MEI4: variants seen among roughly 807,000 people sequenced by gnomAD.
The protein encoded by MEI4 is meiosis-specific protein MEI4.
MEI4 carries 27 observed loss-of-function variants against 31.4 expected under a neutral mutation model. The ratio of observed to expected loss-of-function variants is 0.86; its 90% CI spans 0.63 to 1.19. The LOEUF (loss-of-function observed/expected upper bound fraction) is 1.19. Ranked by LOEUF, MEI4 falls within the 50% of genes most tolerant of loss-of-function variation. The probability of loss-of-function intolerance (pLI) is 0.00; values close to 1 mark genes in which losing one functional copy is unlikely to be tolerated. For missense variants in MEI4, 329 were observed against 398.9 expected, an observed-to-expected ratio of 0.82 and a Z score of 1.49; for synonymous variants, 122 against 145.4, an observed-to-expected ratio of 0.84 and a Z score of 1.16.
rs1050693122 is a variant in MEI4, at chr6:77,923,549, C to T, written c.*203C>T. 1.1e-4 allele frequency: 41 copies of T among 385,212 alleles called. No individual in the cohort carries two copies. Among genetic ancestry groups the T allele is most frequent in the Admixed American group, 6.6e-4 (14 of 21,104 alleles). 23.9% of individuals were successfully genotyped at this position (385,212 alleles called of 1,614,324 possible). On this transcript the variant is annotated 3_prime_UTR_variant, in exon 5 of 5. Transcript: ENST00000684080. ...TTTCTATACTAAAATCAGCCAGTTT[C>T]GGTTGGTAATGCCATCCTTATTCCC...
intron 3 of MEI4, among the ~76,000 whole-genome samples, chr6:77,779,316 G>A (rs539513322): frequency 6.6e-6 from 1 of 152,298 alleles, no homozygotes; most frequent in South Asian, 2.1e-4. Context: ...GCTTAATAAG[G>A]TAAGAACTGA....
At chr6:77,674,785 T>G (rs571767796) in intron 1 of MEI4, among the ~76,000 whole-genome samples, 295 of 152,260 alleles carry the variant, frequency 1.9e-3, no homozygotes, top group Non-Finnish European at 3.8e-3. Flanking sequence ...AATTTCTCCT[T>G]TTTCTGACTG....
intron 3 of MEI4, among the ~76,000 whole-genome samples, chr6:77,762,063 C>T (rs1221395802): frequency 6.6e-6 from 1 of 152,136 alleles, no homozygotes; most frequent in Non-Finnish European, 1.5e-5. Flanking sequence ...TTAAATTCCT[C>T]ATGATGGATT....
chr6:77,888,785 T>A (rs919948603), intron 4 of MEI4, among the ~76,000 whole-genome samples: 2 of 152,166 alleles, frequency 1.3e-5, no homozygotes, highest in Non-Finnish European at 2.9e-5. Flanking sequence ...TCTTGAATTG[T>A]AGTTCCCACA....
Position 77,748,986 on chromosome 6 carries a change from T to C in MEI4, c.233-12144T>C, listed in dbSNP as rs139692180. Among the ~76,000 whole-genome samples, 834 of 152,206 alleles carry C rather than the reference T, an allele frequency of 5.5e-3. 6 individuals carry two copies. Among genetic ancestry groups the C allele is most frequent in the African/African-American group, 0.019 (789 of 41,534 alleles). ...CGGTGATACCCAGGAAAACAGGGTC[T>C]GGAGTGGACCTCCAGCAAACTCCCA... On this transcript the variant is annotated intron_variant, in intron 2 of 4. Coordinates refer to ENST00000684080, the MANE Select transcript of MEI4 (RefSeq NM_001322247.2).
At chr6:77,810,090 T>C (rs1003112940) in intron 3 of MEI4, among the ~76,000 whole-genome samples, 2 of 152,204 alleles carry the variant, frequency 1.3e-5, no homozygotes, top group Non-Finnish European at 2.9e-5. Flanking sequence ...GCTAAATCAA[T>C]GCATGCTGAG....
rs925275466 is a variant in MEI4 at position 77,767,079 on chromosome 6, G to A, written c.768+5414G>A. On this transcript the variant is annotated intron_variant, in intron 3 of 4. Transcript: ENST00000684080. ...GGTCATTTCATCCTTGCTTATAGCT[G>A]TATTAAACAAACAAACAAACGGCTG... 8.5e-5 allele frequency among the ~76,000 whole-genome samples: 13 copies of A among 152,084 alleles called. No individual in the cohort carries two copies. The East Asian group carries it at 2.3e-3, about 27-fold the overall frequency.
intron 1 of MEI4, among the ~76,000 whole-genome samples, chr6:77,679,526 TA>T (rs1272119101): frequency 2.0e-5 from 1 of 51,118 alleles, no homozygotes; most frequent in Non-Finnish European, 3.8e-5. Flanking sequence ...TGAAATTGCC[TA>T]AGGATGGATT....
chr6:77,684,649 C>T (rs971580852), intron 1 of MEI4, among the ~76,000 whole-genome samples: 7 of 151,450 alleles, frequency 4.6e-5, no homozygotes, highest in South Asian at 2.1e-4. Context: ...TAATTATCTC[C>T]GGTTCCATCC....
intron 3 of MEI4, among the ~76,000 whole-genome samples, chr6:77,765,553 C>T (rs1768151082): frequency 6.8e-6 from 1 of 147,566 alleles, no homozygotes; most frequent in Non-Finnish European, 1.5e-5. Flanking sequence ...TCTCCTAATG[C>T]TATCCCTCTC....
intron 3 of MEI4, among the ~76,000 whole-genome samples, chr6:77,784,060 T>TGGCA (rs1439449878): frequency 1.3e-5 from 2 of 152,132 alleles, no homozygotes; most frequent in African/African-American, 4.8e-5. Flanking sequence ...GACATAAAAT[T>TGGCA]GGCAGTAATC....
intron 1 of MEI4, among the ~76,000 whole-genome samples, chr6:77,677,962 A>C (rs1768875372): frequency 6.6e-6 from 1 of 152,182 alleles, no homozygotes; most frequent in Admixed American, 6.5e-5. Context: ...TTAGACTCAG[A>C]AACCATGTTA....
intron 4 of MEI4, among the ~76,000 whole-genome samples, chr6:77,904,026 T>G (rs1162797832): frequency 1.1e-4 from 17 of 152,154 alleles, no homozygotes; most frequent in Admixed American, 1.1e-3. Flanking sequence ...TGTTTTTGGA[T>G]TGGAGAACTT....
chr6:77,761,702 A>G (rs1194094580), intron 3 of MEI4, 37 bp downstream of exon 3: 18 of 1,177,548 alleles, frequency 1.5e-5, no homozygotes, highest in Non-Finnish European at 1.8e-5. Flanking sequence ...CTAAAATGCT[A>G]GTAATTTTAG....
At chr6:77,761,796 G>C (rs1314010416) in intron 3 of MEI4, 131 bp downstream of exon 3, 4 of 505,940 alleles carry the variant, frequency 7.9e-6, no homozygotes, top group African/African-American at 4.0e-5. Context: ...TTCTGCAGCT[G>C]TCTGCAGCTC....
In MEI4 at chr6:77,870,745, A is replaced by G. The variant is rs543257309; in HGVS notation, c.900+41683A>G. Among the ~76,000 whole-genome samples, 22 of 152,288 alleles carry G rather than the reference A, an allele frequency of 1.4e-4. No individual in the cohort carries two copies. In the South Asian group the frequency reaches 4.6e-3, roughly 32 times the overall value. On this transcript the variant is annotated intron_variant, in intron 4 of 4. Coordinates refer to ENST00000684080, the MANE Select transcript of MEI4 (RefSeq NM_001322247.2). ...CTGGTTTTCATCAGGTAGTTCCATT[A>G]TTAAAAGTTATTTTTTACAGCGAAG...
intron 1 of MEI4, among the ~76,000 whole-genome samples, chr6:77,670,673 C>T (rs778185808): frequency 8.5e-5 from 13 of 152,126 alleles, no homozygotes; most frequent in Non-Finnish European, 1.8e-4. Flanking sequence ...ATTGCTTGTT[C>T]CTTTGTTTCC....
chr6:77,790,149 A>G (rs1026450879), intron 3 of MEI4, among the ~76,000 whole-genome samples: 2 of 151,296 alleles, frequency 1.3e-5, no homozygotes, highest in Middle Eastern at 3.4e-3. Context: ...GCAAAGTATC[A>G]CAAGTACAAA....
At chr6:77,751,964 C>T (rs1335500457) in intron 2 of MEI4, among the ~76,000 whole-genome samples, 2 of 152,154 alleles carry the variant, frequency 1.3e-5, no homozygotes, top group Non-Finnish European at 2.9e-5. Flanking sequence ...GCTAGTTCAA[C>T]ATACACAAAT....
Sources: allele counts gnomAD v4.1 joint callset (sites outside exome capture counted in the v4.1 genomes callset), GRCh38; gene constraint gnomAD v4.1.1; transcripts MANE v1.5; gene names NCBI Gene and HGNC (gene_info 2026-07-23, HGNC 2026-07-21).